The following AKT1S1 variants were observed in gnomAD, a reference collection of about 807,000 sequenced individuals.
AKT1S1 encodes the protein proline-rich AKT1 substrate 1.
A neutral mutation model predicts 21.2 loss-of-function variants in AKT1S1; 17 were observed. The observed-to-expected ratio is 0.80, with a 90% CI of 0.55 to 1.20. The LOEUF (loss-of-function observed/expected upper bound fraction) is 1.20, where lower values mean the gene tolerates loss of function less well. Ranked by LOEUF, AKT1S1 falls within the 50% of genes most tolerant of loss-of-function variation. AKT1S1 has a pLI of 0.00. For synonymous variants in AKT1S1, 181 were observed against 165.6 expected (o/e 1.09, Z -0.72); for missense variants, 366 against 368.3 (o/e 0.99, Z 0.05).
chr19:49,870,132 G>A, intron 4 of AKT1S1, 72 bp from the exon 5 acceptor site: 2 of 1,349,060 alleles, frequency 1.5e-6, no homozygotes, highest in Non-Finnish European at 1.9e-6. Flanking sequence ...CGGTCCAGGG[G>A]TGCACCCGGG....
Position 49,876,667 on chromosome 19 carries a change from G to A in AKT1S1, c.-8+570C>T, listed in dbSNP as rs761636229. On this transcript the variant is annotated intron_variant, in intron 1 of 4. Coordinates refer to ENST00000344175, the MANE Select transcript of AKT1S1 (RefSeq NM_001098633.4). Reference sequence around the variant, plus strand: ...CCCTCAAAAGACATGGCGGCGCCTTGCGTCACGTCCGCGCAGTTGCCCCGC... The same window carrying A: ...CCCTCAAAAGACATGGCGGCGCCTTACGTCACGTCCGCGCAGTTGCCCCGC... 4.0e-6 allele frequency: 6 copies of A among 1,487,278 alleles called. No homozygotes were observed. In the African/African-American group the frequency reaches 5.7e-5, roughly 14 times the overall value. The allele number at this position is 1,487,278 out of a possible 1,614,324, so 92.1% of individuals were successfully genotyped here. A position where few individuals can be genotyped will look rare whatever the true frequency, so the allele number is the denominator to read the frequency against.
In AKT1S1 at chr19:49,873,430, GT is replaced by G; in HGVS notation, c.-7-129del. The G allele has an allele frequency of 1.5e-6, 2 of 1,354,490 alleles. No individual in the cohort carries two copies. The highest frequency in any genetic ancestry group is 3.4e-5 in the South Asian group (2 of 59,226). The allele number at this position is 1,354,490 out of a possible 1,614,324, so 83.9% of individuals were successfully genotyped here. Reference sequence around the variant, plus strand: ...CCACCCACCTTGTCCCAGCGGTGCTGTGTGTCCTCCCCAAACCTGCTACTCC... The same window carrying G: ...CCACCCACCTTGTCCCAGCGGTGCTGGTGTCCTCCCCAAACCTGCTACTCC... On this transcript the variant is annotated intron_variant, in intron 1 of 4. Transcript: ENST00000344175. The surrounding 1 kb of genome is among the most constrained non-coding windows in gnomAD (Gnocchi z 6.9).
At chr19:49,877,381 A>G (rs927516076), upstream of AKT1S1, 1 of 360,042 alleles carries the variant, frequency 2.8e-6, no homozygotes, top group African/African-American at 2.1e-5. Context: ...ATTCCAGTAT[A>G]CAATATGGAG....
In AKT1S1 at chr19:49,873,044, T is replaced by C. The variant is rs2074902330; in HGVS notation, c.252A>G (p.Pro84=). 6.4e-7 allele frequency: 1 copy of C among 1,559,506 alleles called. No individual in the cohort carries two copies. The highest frequency in any genetic ancestry group is 8.7e-7 in the Non-Finnish European group (1 of 1,152,858). The stretch of plus-strand genomic sequence containing the variant: ...GGCTGGGTGTGGGACTGGGTGGCTG[T>C]GGTGCTGGTGGGGGCGCAGGAGGCC... The part of the protein sequence containing the change: ...AARPPAPPPA[P]QPPSPTPSPP... The change falls in exon 2 of 5, where the codon CCA becomes CCG. Residue 84 remains proline, a synonymous_variant. Transcript: ENST00000344175. This position sits in a 1 kb window ranked among gnomAD's most constrained non-coding sequence, Gnocchi z 6.9.
In AKT1S1 at chr19:49,872,901, G is replaced by GGCCCCC; in HGVS notation, c.379+15_379+16insGGGGGC. ...CAAGCGCTGGGCCGCACCCGCCCCTGCCCCCACCCTCTCACCTCCATTATC... is the reference window on the plus strand; with the variant it reads ...CAAGCGCTGGGCCGCACCCGCCCCTGGCCCCCCCCCCACCCTCTCACCTCCATTATC... On this transcript the variant is annotated intron_variant, in intron 2 of 4. Coordinates refer to ENST00000344175, the MANE Select transcript of AKT1S1 (RefSeq NM_001098633.4). 6.3e-7 allele frequency: 1 copy of GGCCCCC among 1,590,958 alleles called. No individual in the cohort carries two copies. Among genetic ancestry groups the GGCCCCC allele is most frequent in the Non-Finnish European group, 8.5e-7 (1 of 1,175,036 alleles).
chr19:49,873,644 G>A lies in AKT1S1; in HGVS notation c.-7-342C>T, dbSNP rs1035937090. The A allele has an allele frequency of 3.1e-5, 9 of 287,182 alleles. No individual in the cohort carries two copies. Among genetic ancestry groups the A allele is most frequent in the Admixed American group, 5.4e-5 (1 of 18,680 alleles). 17.8% of individuals were successfully genotyped at this position (287,182 alleles called of 1,614,324 possible). A position where few individuals can be genotyped will look rare whatever the true frequency, so the allele number is the denominator to read the frequency against. Reference sequence around the variant, plus strand: ...CAGGGAGTCCTAGCAGAGAGTCCTAGCAGAGAGGCCTCTAACAATAAAACC... The same window carrying A: ...CAGGGAGTCCTAGCAGAGAGTCCTAACAGAGAGGCCTCTAACAATAAAACC... On this transcript the variant is annotated intron_variant, in intron 1 of 4. Coordinates refer to ENST00000344175, the MANE Select transcript of AKT1S1 (RefSeq NM_001098633.4). The surrounding 1 kb of genome is among the most constrained non-coding windows in gnomAD (Gnocchi z 6.9).
chr19:49,878,055 G>T (rs1017151224), upstream of AKT1S1: 9 of 1,109,422 alleles, frequency 8.1e-6, no homozygotes, highest in African/African-American at 1.4e-4. Flanking sequence ...CCCCCTGAGG[G>T]TGGCTCCTCC....
chr19:49,876,579 G>A, intron 1 of AKT1S1: 1 of 1,497,830 alleles, frequency 6.7e-7, no homozygotes, highest in Non-Finnish European at 8.9e-7. Context: ...CCACACCGCG[G>A]TTAACAACGC....
chr19:49,871,678 TG>T lies in AKT1S1; in HGVS notation c.495del (p.Thr166ProfsTer87), dbSNP rs748776119. ...GCTGAGGCTGGGGGCACTGAGCAGG[TG>T]GGGGGGCCGGCGGGGGTCTCCTCGC... ...SLSEETPAGP[P>X]TCSVPPASAL... On this transcript the variant is annotated frameshift_variant, in exon 4 of 5. Transcript: ENST00000344175. LOFTEE classifies it high-confidence loss of function. 5 of 1,612,076 alleles carry T rather than the reference TG, an allele frequency of 3.1e-6. No homozygotes were observed. The highest frequency in any genetic ancestry group is 4.2e-6 in the Non-Finnish European group (5 of 1,178,898).
upstream of AKT1S1, chr19:49,877,803 TC>T: frequency 1.3e-6 from 2 of 1,538,998 alleles, no homozygotes; most frequent in Middle Eastern, 3.4e-4. Context: ...CGTCTAGTGA[TC>T]AGCTCTTCTC....
rs1240911089 is a variant in AKT1S1, at chr19:49,876,251, C to A, written c.-8+986G>T. The A allele has an allele frequency of 4.5e-6, 5 of 1,113,072 alleles. No individual in the cohort carries two copies. The East Asian group carries it at 1.4e-4, about 32-fold the overall frequency. The allele number at this position is 1,113,072 out of a possible 1,614,324, so 68.9% of individuals were successfully genotyped here. ...TGGTCTAGGAAGAAAACAGGAAATC[C>A]CGCCCAGACGGAGGCCAGGACCGGA... On this transcript the variant is annotated intron_variant, in intron 1 of 4. Transcript: ENST00000344175.
chr19:49,877,854 A>T, upstream of AKT1S1: 2 of 1,341,014 alleles, frequency 1.5e-6, no homozygotes, highest in Non-Finnish European at 2.0e-6. Flanking sequence ...GGCCTTGGCA[A>T]ACACCGATCT....
chr19:49,870,518 G>A (rs114740562), intron 4 of AKT1S1, among the ~76,000 whole-genome samples: 2 of 152,276 alleles, frequency 1.3e-5, no homozygotes, highest in African/African-American at 4.8e-5. Flanking sequence ...TCTCTGTGAG[G>A]GCTGAGATAA....
intron 2 of AKT1S1, among the ~76,000 whole-genome samples, chr19:49,872,540 C>T (rs2074895394): frequency 2.0e-5 from 3 of 152,198 alleles, no homozygotes; most frequent in Non-Finnish European, 4.4e-5. Flanking sequence ...CTCTTTAACT[C>T]CTGCTTGGCC....
At position 49,872,254 on chromosome 19, in the gene AKT1S1, C is replaced by G. The variant is rs183697740; in HGVS notation, c.380-365G>C. Reference sequence around the variant, plus strand: ...GCCCAGAGAAGTTAAGTCACTTGCCCGAGGTCCCATGGCTACTAAGGGACA... The same window carrying G: ...GCCCAGAGAAGTTAAGTCACTTGCCGGAGGTCCCATGGCTACTAAGGGACA... On this transcript the variant is annotated intron_variant, in intron 2 of 4. Coordinates refer to ENST00000344175, the MANE Select transcript of AKT1S1 (RefSeq NM_001098633.4). Among the ~76,000 whole-genome samples, 425 of 152,290 alleles carry G rather than the reference C, an allele frequency of 2.8e-3. 9 individuals are homozygous for G. Among genetic ancestry groups the G allele is most frequent in the Admixed American group, 0.021 (315 of 15,296 alleles).
At position 49,873,082 on chromosome 19, in the gene AKT1S1, C is replaced by A; in HGVS notation, c.214G>T (p.Ala72Ser). The A allele has an allele frequency of 1.9e-6, 3 of 1,551,602 alleles. No homozygotes were observed. The highest frequency in any genetic ancestry group is 2.6e-6 in the Non-Finnish European group (3 of 1,150,268). Residue 72 changes from alanine to serine, a missense_variant, in exon 2 of 5, where the codon GCC (alanine) becomes TCC (serine). Physicochemically the swap from Ala to Ser is moderately conservative, Grantham distance 99 (BLOSUM62 1). Coordinates refer to ENST00000344175, the MANE Select transcript of AKT1S1 (RefSeq NM_001098633.4). The surrounding 1 kb of genome is among the most constrained non-coding windows in gnomAD (Gnocchi z 6.9). ...GGCGCAGGAGGCCGAGCAGCAGTGGCAGCCCTGTGGGCCAGTGCGATGTCG... is the reference window on the plus strand; with the variant it reads ...GGCGCAGGAGGCCGAGCAGCAGTGGAAGCCCTGTGGGCCAGTGCGATGTCG... ...LHDIALAHRA[A>S]TAARPPAPPP... is the part of the protein sequence containing the mutation.
chr19:49,871,653 G>T lies in AKT1S1; in HGVS notation c.521C>A (p.Ala174Asp). 6.2e-7 allele frequency: 1 copy of T among 1,614,046 alleles called. No individual in the cohort carries two copies. Among genetic ancestry groups the T allele is most frequent in the Non-Finnish European group, 8.5e-7 (1 of 1,180,020 alleles). The change falls in exon 4 of 5, where the codon GCC (alanine) becomes GAC (aspartate). Residue 174 changes from alanine to aspartate, a missense_variant. By Grantham distance (126) the Ala-to-Asp change is moderately radical. Coordinates refer to ENST00000344175, the MANE Select transcript of AKT1S1 (RefSeq NM_001098633.4). Reference protein sequence around the residue: ...PPTCSVPPASALPTQQYAKSL... With the variant: ...PPTCSVPPASDLPTQQYAKSL... ...CTTGGCGTACTGCTGTGTGGGTAGG[G>T]CTGAGGCTGGGGGCACTGAGCAGGT...
rs1568667602 is a variant in AKT1S1, at chr19:49,872,895, G to GC, written c.379+21dup. 5.6e-6 allele frequency: 5 copies of GC among 894,754 alleles called. No homozygotes were observed. In the Admixed American group the frequency reaches 9.1e-5, roughly 16 times the overall value. 55.4% of individuals were successfully genotyped at this position (894,754 alleles called of 1,614,324 possible). ...GCACCTCAAGCGCTGGGCCGCACCC[G>GC]CCCCTGCCCCCACCCTCTCACCTCC... On this transcript the variant is annotated intron_variant, in intron 2 of 4. Transcript: ENST00000344175.
In AKT1S1 at chr19:49,873,560, C is replaced by T; in HGVS notation, c.-7-258G>A. On this transcript the variant is annotated intron_variant, in intron 1 of 4. Coordinates refer to ENST00000344175, the MANE Select transcript of AKT1S1 (RefSeq NM_001098633.4). The surrounding 1 kb of genome is among the most constrained non-coding windows in gnomAD (Gnocchi z 6.9). ...AGTCACTGTACTCCTTCCCCTTTGG[C>T]CCTGCCCTGGCCTCTGTGGGAGCCG... 1.7e-6 allele frequency: 1 copy of T among 596,500 alleles called. No homozygotes were observed. Among genetic ancestry groups the T allele is most frequent in the African/African-American group, 2.0e-5 (1 of 50,618 alleles). The allele number at this position is 596,500 out of a possible 1,614,324, so 37.0% of individuals were successfully genotyped here.
Sources: gnomAD v4.1 joint callset for allele counts (sites outside exome capture counted in the v4.1 genomes callset) on GRCh38, gnomAD v4.1.1 for gene constraint, Gnocchi (gnomAD v3.1) non-coding constraint, MANE v1.5 for transcripts, NCBI Gene and HGNC (gene_info 2026-07-23, HGNC 2026-07-21) for gene names.